ZNF20: variants seen among roughly 807,000 people sequenced by gnomAD.
The protein encoded by ZNF20 is zinc finger protein 20.
ZNF20 carries 9 observed loss-of-function variants against 11.0 expected under a neutral mutation model. That is an observed-to-expected ratio of 0.82 (90% CI 0.49 to 1.43). ZNF20 has a LOEUF of 1.43. Ranked by LOEUF, ZNF20 falls within the 40% of genes most tolerant of loss-of-function variation. The pLI, the probability that ZNF20 is intolerant of heterozygous loss-of-function variation, is 0.00. For synonymous variants in ZNF20, 182 were observed against 213.0 expected, an observed-to-expected ratio of 0.85 and a Z score of 1.27; for missense variants, 528 against 640.8, an observed-to-expected ratio of 0.82 and a Z score of 1.90.
In ZNF20 at chr19:12,133,860, A is replaced by G; in HGVS notation, c.326T>C (p.Val109Ala). 6.2e-7 allele frequency: 1 copy of G among 1,614,204 alleles called. No homozygotes were observed. Among genetic ancestry groups the G allele is most frequent in the East Asian group, 2.2e-5 (1 of 44,888 alleles). Residue 109 changes from valine to alanine, a missense_variant, in exon 4 of 4, where the codon GTG (valine) becomes GCG (alanine). Val to Ala is a moderately conservative substitution (Grantham distance 64). Transcript: ENST00000334213. ...ATGACCCGTGCCAACTTCTCCACAC[A>G]CACTGCTTTCACATGGTGTTATTCC... Reference protein sequence around the residue: ...LPGITPCESSVCGEVGTGHSS... With the variant: ...LPGITPCESSACGEVGTGHSS...
At position 12,133,614 on chromosome 19, in the gene ZNF20, A is replaced by T. The variant is rs759374665; in HGVS notation, c.572T>A (p.Val191Glu). 1.9e-6 allele frequency: 3 copies of T among 1,614,188 alleles called. No individual in the cohort carries two copies. The South Asian group carries it at 3.3e-5, about 18-fold the overall frequency. Reference sequence around the variant, plus strand: ...ATAAGGTCCATCTCCACTGTGCATTACCCTGTGTCTTTGAATGCATGAATG... The same window carrying T: ...ATAAGGTCCATCTCCACTGTGCATTTCCCTGTGTCTTTGAATGCATGAATG... Reference protein sequence around the residue: ...ISHSCIQRHRVMHSGDGPYKC... With the variant: ...ISHSCIQRHREMHSGDGPYKC... The change falls in exon 4 of 4, where the codon GTA becomes GAA. Residue 191 changes from valine to glutamate, a missense_variant. Coordinates refer to ENST00000334213, the MANE Select transcript of ZNF20 (RefSeq NM_021143.4).
chr19:12,133,844 G>A lies in ZNF20; in HGVS notation c.342C>T (p.Gly114=). The part of the protein sequence containing the change: ...PCESSVCGEV[G]TGHSSLNTHI... ...GCGTATTAAGAGATGAATGACCCGT[G>A]CCAACTTCTCCACACACACTGCTTT... Residue 114 remains glycine (G), a synonymous_variant, in exon 4 of 4, where the codon GGC becomes GGT. Transcript: ENST00000334213. 6.2e-7 allele frequency: 1 copy of A among 1,614,174 alleles called. No individual in the cohort carries two copies. The highest frequency in any genetic ancestry group is 1.1e-5 in the South Asian group (1 of 91,080).
In ZNF20 at chr19:12,133,238, A is replaced by G; in HGVS notation, c.948T>C (p.Cys316=). 3.7e-6 allele frequency: 6 copies of G among 1,614,162 alleles called. No individual in the cohort carries two copies. The highest frequency in any genetic ancestry group is 5.1e-6 in the Non-Finnish European group (6 of 1,180,026). The part of the protein sequence containing the change: ...TGEKPYECKQ[C]GKAFRCGSHL... ...GTGAGCCACATCTAAAGGCTTTCCC[A>G]CACTGCTTACATTCATAGGGTTTCT... Residue 316 remains cysteine (C), a synonymous_variant, in exon 4 of 4, where the codon TGT becomes TGC. Transcript: ENST00000334213.
intron 3 of ZNF20, 70 bp from the exon 4 acceptor site, chr19:12,134,055 G>A (rs1168725419): frequency 2.1e-5 from 28 of 1,350,306 alleles, no homozygotes; most frequent in Non-Finnish European, 2.8e-5. Context: ...CGGGCACAGT[G>A]GCTCACTCCT....
At position 12,132,845 on chromosome 19, in the gene ZNF20, T is replaced by G. The variant is rs373832171; in HGVS notation, c.1341A>C (p.Gly447=). The change falls in exon 4 of 4, where the codon GGA becomes GGC. Residue 447 remains glycine, a synonymous_variant. Transcript: ENST00000334213. ...SLHIHERTHT[G]DKPYECKVCG... is the part of the protein sequence containing the mutation. ...ATACCTTACACTCATATGGCTTATC[T>G]CCAGTGTGTGTCCTTTCATGTATAT... 1.2e-5 allele frequency: 19 copies of G among 1,614,072 alleles called. No homozygotes were observed. The highest frequency in any genetic ancestry group is 1.6e-5 in the Non-Finnish European group (19 of 1,180,014).
rs546035857 is a variant in ZNF20 at position 12,133,411 on chromosome 19, C to T, written c.775G>A (p.Glu259Lys). The change falls in exon 4 of 4, where the codon GAA (glutamate) becomes AAA (lysine). Residue 259 changes from glutamate (E) to lysine (K), a missense_variant. Transcript: ENST00000334213. ...GGAAAACTGAATGCATTCCCACATT[C>T]TTTACATTCATCGGCATTCACTCCT... ...HTGVNADECK[E>K]CGNAFSFPSE... 6.2e-7 allele frequency: 1 copy of T among 1,614,120 alleles called. No individual in the cohort carries two copies. The highest frequency in any genetic ancestry group is 1.3e-5 in the African/African-American group (1 of 75,068).
At chr19:12,138,750 C>G (rs1349157180) in intron 1 of ZNF20, among the ~76,000 whole-genome samples, 1 of 151,810 alleles carries the variant, frequency 6.6e-6, no homozygotes, top group Non-Finnish European at 1.5e-5. Flanking sequence ...ACCCGGGAGG[C>G]AGAGGTTGCA....
rs1275865459 is a variant in ZNF20 at position 12,133,178 on chromosome 19, C to G, written c.1008G>C (p.Glu336Asp). The change falls in exon 4 of 4, where the codon GAG (glutamate) becomes GAC (aspartate). Residue 336 changes from glutamate (E) to aspartate (D), a missense_variant. Glu to Asp is a conservative substitution (Grantham distance 45). Coordinates refer to ENST00000334213, the MANE Select transcript of ZNF20 (RefSeq NM_021143.4). ...CACATTGCCTACATTCATAGGGTTTCTCTCCAGTGTGAGTCCTTCCATGCT... is the reference window on the plus strand; with the variant it reads ...CACATTGCCTACATTCATAGGGTTTGTCTCCAGTGTGAGTCCTTCCATGCT... ...LQKHGRTHTG[E>D]KPYECRQCGK... 4.3e-6 allele frequency: 7 copies of G among 1,613,568 alleles called. No homozygotes were observed. Among genetic ancestry groups the G allele is most frequent in the African/African-American group, 2.7e-5 (2 of 74,838 alleles).
intron 1 of ZNF20, 73 bp from the exon 2 acceptor site, chr19:12,135,977 A>C: frequency 2.6e-5 from 40 of 1,559,268 alleles, no homozygotes; most frequent in Middle Eastern, 1.7e-4. Flanking sequence ...AGAAGTTCTC[A>C]TGATACTGTG....
chr19:12,133,642 A>G lies in ZNF20; in HGVS notation c.544T>C (p.Ser182Pro). The change falls in exon 4 of 4, where the codon TCC becomes CCC. Residue 182 changes from serine (S) to proline (P), a missense_variant. Coordinates refer to ENST00000334213, the MANE Select transcript of ZNF20 (RefSeq NM_021143.4). ...DGKECTETFISHSCIQRHRVM... is the reference protein window; with the variant it reads ...DGKECTETFIPHSCIQRHRVM... ...CTGTGTCTTTGAATGCATGAATGGG[A>G]AATGAAGGTTTCTGTACATTCTTTA... The G allele has an allele frequency of 6.2e-7, 1 of 1,614,250 alleles. No individual in the cohort carries two copies. Among genetic ancestry groups the G allele is most frequent in the South Asian group, 1.1e-5 (1 of 91,086 alleles).
At position 12,139,955 on chromosome 19, in the gene ZNF20, C is replaced by A. The variant is rs1187387991; in HGVS notation, c.3+225G>T. Among the ~76,000 whole-genome samples the A allele has an allele frequency of 6.6e-6, 1 of 152,194 alleles. No homozygotes were observed. Among genetic ancestry groups the A allele is most frequent in the Non-Finnish European group, 1.5e-5 (1 of 68,028 alleles). ...CCCAGAGAGGGCTCCAGGGTCGGGG[C>A]CCACAGTCGCCCGCGCAGGAACAGA... On this transcript the variant is annotated intron_variant, in intron 1 of 3. Transcript: ENST00000334213. This position sits in a 1 kb window ranked among gnomAD's most constrained non-coding sequence, Gnocchi z 4.0.
chr19:12,136,026 T>A, intron 1 of ZNF20, 122 bp from the exon 2 acceptor site: 2 of 1,285,094 alleles, frequency 1.6e-6, no homozygotes, highest in Non-Finnish European at 2.1e-6. Flanking sequence ...TCATCACACC[T>A]CTTACTTTCT....
chr19:12,138,690 C>T (rs1426150466), intron 1 of ZNF20, among the ~76,000 whole-genome samples: 1 of 151,546 alleles, frequency 6.6e-6, no homozygotes, highest in African/African-American at 2.4e-5. Flanking sequence ...GAAATATACT[C>T]TACAATAAAG....
rs1419336012 is a variant in ZNF20, at chr19:12,133,946, A to G, written c.240T>C (p.His80=). 1 of 1,611,826 alleles carries G rather than the reference A, an allele frequency of 6.2e-7. No homozygotes were observed. Among genetic ancestry groups the G allele is most frequent in the African/African-American group, 1.3e-5 (1 of 74,830 alleles). ...REKLCESKES[H]HCGESFNQIA... ...TCTGGTTGAAGCTTTCTCCACAGTG[A>G]TGACTTTCTTTACTTTCACAGAGTT... is the stretch of plus-strand genomic sequence containing the variant. Residue 80 remains histidine (H), a synonymous_variant, in exon 4 of 4, where the codon CAT becomes CAC. Transcript: ENST00000334213.
In ZNF20 at chr19:12,135,509, C is replaced by A; in HGVS notation, c.191G>T (p.Arg64Ile). The change falls in exon 3 of 4, where the codon AGA becomes ATA. Residue 64 changes from arginine to isoleucine, a missense_variant. Transcript: ENST00000334213. Reference protein sequence around the residue: ...NIEDEYKNPRRNLSLMREKLC... With the variant: ...NIEDEYKNPRINLSLMREKLC... ...TGCGAGAGAAAATTACCTTAGATTT[C>A]TCCTGGGATTTTTGTACTCATCTTC... is the stretch of plus-strand genomic sequence containing the variant. The A allele has an allele frequency of 6.2e-7, 1 of 1,613,584 alleles. No individual in the cohort carries two copies. Among genetic ancestry groups the A allele is most frequent in the Non-Finnish European group, 8.5e-7 (1 of 1,179,806 alleles).
chr19:12,138,594 CAA>C (rs1976749916), intron 1 of ZNF20, among the ~76,000 whole-genome samples: 1 of 151,914 alleles, frequency 6.6e-6, no homozygotes, highest in African/African-American at 2.4e-5. Context: ...AAACAGAACA[CAA>C]ATATTTTAAA....
In ZNF20 at chr19:12,132,790, T is replaced by G. The variant is rs1399483559; in HGVS notation, c.1396A>C (p.Ile466Leu). 3.1e-6 allele frequency: 5 copies of G among 1,612,576 alleles called. No individual in the cohort carries two copies. Among genetic ancestry groups the G allele is most frequent in the Non-Finnish European group, 4.2e-6 (5 of 1,179,588 alleles). Residue 466 changes from isoleucine to leucine, a missense_variant, in exon 4 of 4, where the codon ATT (isoleucine) becomes CTT (leucine). Transcript: ENST00000334213. The part of the protein sequence containing the change: ...CGKAFTCSSS[I>L]RYHERTHTGE... ...GTGTGAGTCCTTTCATGATATCGAATGGAACTGGAACAAGTGAAGGCTTTG... is the reference window on the plus strand; with the variant it reads ...GTGTGAGTCCTTTCATGATATCGAAGGGAACTGGAACAAGTGAAGGCTTTG...
intron 1 of ZNF20, chr19:12,136,850 C>CCAGGTCCTCTGTCCCTGGGCGA (rs1172732829): frequency 2.2e-6 from 1 of 447,908 alleles, no homozygotes; most frequent in Admixed American, 2.4e-5. Context: ...TCCTCACTTA[C>CCAGGTCCTCTGTCCCTGGGCGA]CAGAAGGAAC....
intron 1 of ZNF20, among the ~76,000 whole-genome samples, chr19:12,136,680 T>A (rs1309487531): frequency 2.6e-5 from 4 of 151,892 alleles, no homozygotes; most frequent in Admixed American, 2.6e-4. Context: ...AGAGTGAAAC[T>A]CCGTCTCGAA....
Sources: gnomAD v4.1 joint callset for allele counts (sites outside exome capture counted in the v4.1 genomes callset) on GRCh38, gnomAD v4.1.1 for gene constraint, Gnocchi (gnomAD v3.1) non-coding constraint, MANE v1.5 for transcripts, NCBI Gene and HGNC (gene_info 2026-07-23, HGNC 2026-07-21) for gene names.